Variants in CCND3 observed in about 807,000 individuals in gnomAD.
The protein encoded by CCND3 is G1/S-specific cyclin-D3.
Under a neutral mutation model 28.7 loss-of-function variants are expected in CCND3, and 9 were observed. The observed-to-expected ratio is 0.31, with a 90% CI of 0.19 to 0.55. The LOEUF is 0.55. Among genes scored for constraint, CCND3 ranks in the 20% least tolerant of loss-of-function variants. The pLI, the probability that CCND3 is intolerant of heterozygous loss-of-function variation, is 0.93. For missense variants in CCND3, 315 were observed against 385.8 expected (o/e 0.82, Z 1.54); for synonymous variants, 164 against 163.9 (o/e 1.00, Z 0.00).
chr6:42,029,588 A>G (rs1018246496), intron 1 of CCND3, among the ~76,000 whole-genome samples: 1 of 152,108 alleles, frequency 6.6e-6, no homozygotes, highest in African/African-American at 2.4e-5. Context: ...CTGTAATCCC[A>G]GCACTTTGGG....
intron 1 of CCND3, among the ~76,000 whole-genome samples, chr6:42,028,112 A>C (rs1763936211): frequency 6.6e-6 from 1 of 152,208 alleles, no homozygotes; most frequent in South Asian, 2.1e-4. Context: ...AAACTTGTAA[A>C]GTCCCTAGCA....
chr6:41,937,385 C>A lies in CCND3; in HGVS notation c.424G>T (p.Val142Leu). The change falls in exon 3 of 5, where the codon GTG becomes TTG. Residue 142 changes from valine (V) to leucine (L), a missense_variant. Coordinates refer to ENST00000372991, the MANE Select transcript of CCND3 (RefSeq NM_001760.5). ...VSPRQLRDWE[V>L]LVLGKLKWDL... The stretch of plus-strand genomic sequence containing the variant: ...CACTTGAGCTTCCCTAGGACCAGCA[C>A]CTCCCAGTCCTGAAAAAGCGGGGAA... The A allele has an allele frequency of 6.2e-7, 1 of 1,614,026 alleles. No homozygotes were observed. Among genetic ancestry groups the A allele is most frequent in the Non-Finnish European group, 8.5e-7 (1 of 1,179,980 alleles).
rs1370219202 is a variant in CCND3 at position 42,000,261 on chromosome 6, T to G, written c.-46+48240A>C. Among the ~76,000 whole-genome samples, 194 of 128,082 alleles carry G rather than the reference T, an allele frequency of 1.5e-3. 2 individuals are homozygous for G. The highest frequency in any genetic ancestry group is 5.5e-3 in the African/African-American group (188 of 34,338). 84.0% of individuals were successfully genotyped at this position (128,082 alleles called of 152,430 possible). On this transcript the variant is annotated intron_variant, in intron 1 of 4. Transcript: ENST00000372988. ...TTTTTTTTTTTTTTTTTTTTTTTTTTGGGACAGAGTCTCTGTCGCCCAGGT... is the reference window on the plus strand; with the variant it reads ...TTTTTTTTTTTTTTTTTTTTTTTTTGGGGACAGAGTCTCTGTCGCCCAGGT...
At chr6:42,014,337 C>T (rs1264139173) in intron 1 of CCND3, among the ~76,000 whole-genome samples, 2 of 152,054 alleles carry the variant, frequency 1.3e-5, no homozygotes, top group Non-Finnish European at 2.9e-5. Context: ...CACTGCACTC[C>T]AGCCTGGGCA....
chr6:42,030,860 G>C (rs979654803), intron 1 of CCND3, among the ~76,000 whole-genome samples: 2 of 152,154 alleles, frequency 1.3e-5, no homozygotes, highest in Admixed American at 6.5e-5. Context: ...AGCTCTAAGG[G>C]AGCTGAGCCA....
chr6:41,950,795 G>A (rs958029673), intron 1 of CCND3, among the ~76,000 whole-genome samples: 18 of 148,330 alleles, frequency 1.2e-4, no homozygotes, highest in African/African-American at 4.2e-4. Context: ...GGCAAGCTCC[G>A]CCTCCCAGGT....
At chr6:41,947,950 A>G (rs185310030) in intron 1 of CCND3, among the ~76,000 whole-genome samples, 1 of 151,730 alleles carries the variant, frequency 6.6e-6, no homozygotes, top group East Asian at 1.9e-4. Context: ...CCCATTTCCC[A>G]CTACTCTCCC....
chr6:42,022,526 C>T (rs1485466406), intron 1 of CCND3, among the ~76,000 whole-genome samples: 1 of 152,200 alleles, frequency 6.6e-6, no homozygotes, highest in Non-Finnish European at 1.5e-5. Context: ...CAGTGTGGTA[C>T]AGGCACATCC....
At chr6:42,023,278 G>A (rs554830384) in intron 1 of CCND3, among the ~76,000 whole-genome samples, 6 of 152,286 alleles carry the variant, frequency 3.9e-5, no homozygotes, top group South Asian at 2.1e-4. Flanking sequence ...AATGGCCCCC[G>A]AGCCTAGGGC....
Position 41,941,426 on chromosome 6 carries a change from G to A in CCND3, c.198+26C>T, listed in dbSNP as rs780592965. The A allele has an allele frequency of 1.2e-6, 2 of 1,606,008 alleles. No individual in the cohort carries two copies. Among genetic ancestry groups the A allele is most frequent in the Non-Finnish European group, 1.7e-6 (2 of 1,177,922 alleles). ...GTGTGTCCAGACCCGGGAGCGGTGGGGGAGGGGGACGCGTCCGGGCGGTAC... is the reference window on the plus strand; with the variant it reads ...GTGTGTCCAGACCCGGGAGCGGTGGAGGAGGGGGACGCGTCCGGGCGGTAC... On this transcript the variant is annotated intron_variant, in intron 1 of 4. Transcript: ENST00000372991. The surrounding 1 kb of genome is among the most constrained non-coding windows in gnomAD (Gnocchi z 6.1).
chr6:41,994,741 T>C (rs1019033731), intron 1 of CCND3, among the ~76,000 whole-genome samples: 2 of 152,068 alleles, frequency 1.3e-5, no homozygotes, highest in Admixed American at 6.6e-5. Context: ...TCTGTACTTT[T>C]GCAGCTCAAT....
chr6:42,005,546 A>G lies in CCND3; in HGVS notation c.-46+42955T>C, dbSNP rs1187674119. On this transcript the variant is annotated intron_variant, in intron 1 of 4. Coordinates refer to the CCND3 transcript ENST00000372988. ...ACAGAGTGAGACCCTGTCTCAAAAA[A>G]AAAAAAAAAAAAAAAAAAAAGAATT... Among the ~76,000 whole-genome samples, 958 of 143,048 alleles carry G rather than the reference A, an allele frequency of 6.7e-3. 13 individuals carry two copies. The highest frequency in any genetic ancestry group is 0.025 in the African/African-American group (911 of 36,624). The allele number at this position is 143,048 out of a possible 152,430, so 93.8% of individuals were successfully genotyped here.
intron 1 of CCND3, among the ~76,000 whole-genome samples, chr6:41,952,592 C>G (rs1776341502): frequency 6.6e-6 from 1 of 152,170 alleles, no homozygotes; most frequent in African/African-American, 2.4e-5. Context: ...GCGATGGACT[C>G]TGATAGTCAG....
intron 1 of CCND3, among the ~76,000 whole-genome samples, chr6:41,981,962 C>T (rs375877428): frequency 6.6e-6 from 1 of 150,562 alleles, no homozygotes; most frequent in African/African-American, 2.4e-5. Context: ...ATAGTGAGAC[C>T]CTATCTCTTT....
chr6:42,016,215 G>A (rs1371492747), intron 1 of CCND3, among the ~76,000 whole-genome samples: 1 of 152,136 alleles, frequency 6.6e-6, no homozygotes, highest in Non-Finnish European at 1.5e-5. Flanking sequence ...GATTACAGGC[G>A]TGAGCCACTG....
chr6:41,941,369 G>T lies in CCND3; in HGVS notation c.198+83C>A. ...CTCGGAGCATCCTGCAGATTGCTGTGGGGACCGGGATGTCCCGACAGGGCG... is the reference window on the plus strand; with the variant it reads ...CTCGGAGCATCCTGCAGATTGCTGTTGGGACCGGGATGTCCCGACAGGGCG... On this transcript the variant is annotated intron_variant, in intron 1 of 4. Coordinates refer to ENST00000372991, the MANE Select transcript of CCND3 (RefSeq NM_001760.5). The surrounding 1 kb of genome is among the most constrained non-coding windows in gnomAD (Gnocchi z 6.1). The T allele has an allele frequency of 6.4e-7, 1 of 1,559,182 alleles. No individual in the cohort carries two copies. The highest frequency in any genetic ancestry group is 8.6e-7 in the Non-Finnish European group (1 of 1,156,934).
chr6:41,952,578 G>A (rs1330417209), intron 1 of CCND3, among the ~76,000 whole-genome samples: 1 of 152,186 alleles, frequency 6.6e-6, no homozygotes, highest in Admixed American at 6.5e-5. Flanking sequence ...TTTTGTGGGA[G>A]GGCGCGATGG....
rs960280165 is a variant in CCND3 at position 42,022,451 on chromosome 6, A to G, written c.-46+26050T>C. On this transcript the variant is annotated intron_variant, in intron 1 of 4. Transcript: ENST00000372988. ...GAATAAATGGAAAATAAAACAAACA[A>G]TCGTTGTATTACCACTTCCTCTGGG... is the stretch of plus-strand genomic sequence containing the variant. Among the ~76,000 whole-genome samples, 7 of 152,292 alleles carry G rather than the reference A, an allele frequency of 4.6e-5. No individual in the cohort carries two copies. In the South Asian group the frequency reaches 1.2e-3, roughly 27 times the overall value.
At chr6:41,969,434 T>C (rs1346369335) in intron 1 of CCND3, among the ~76,000 whole-genome samples, 1 of 152,040 alleles carries the variant, frequency 6.6e-6, no homozygotes, top group Non-Finnish European at 1.5e-5. Context: ...GAGAATGGCT[T>C]GAACCTGGGA....
Sources: allele counts gnomAD v4.1 joint callset (sites outside exome capture counted in the v4.1 genomes callset), GRCh38; gene constraint gnomAD v4.1.1; non-coding constraint Gnocchi (gnomAD v3.1); transcripts MANE v1.5; gene names NCBI Gene and HGNC (gene_info 2026-07-23, HGNC 2026-07-21).